Variants in DLGAP1 observed in about 807,000 individuals in gnomAD.
The protein encoded by DLGAP1 is DLG associated protein 1.
Under a neutral mutation model 90.8 loss-of-function variants are expected in DLGAP1, and 11 were observed. That is an observed-to-expected ratio of 0.12 (90% CI 0.08 to 0.20). The LOEUF is 0.20. DLGAP1 is among the 10% of genes least tolerant of loss of function. The pLI, the probability that DLGAP1 is intolerant of heterozygous loss-of-function variation, is 1.00. For missense variants in DLGAP1, 1,050 were observed against 1,333.8 expected, an observed-to-expected ratio of 0.79 and a Z score of 3.31; for synonymous variants, 558 against 540.7, an observed-to-expected ratio of 1.03 and a Z score of -0.44.
intron 10 of DLGAP1, among the ~76,000 whole-genome samples, chr18:3,518,791 A>G (rs1348757383): frequency 6.6e-6 from 1 of 152,204 alleles, no homozygotes; most frequent in Non-Finnish European, 1.5e-5. Context: ...CCTATAACTG[A>G]TCTACATTCT....
At chr18:4,329,623 T>C (rs181409243) in intron 1 of DLGAP1, among the ~76,000 whole-genome samples, 546 of 152,118 alleles carry the variant, frequency 3.6e-3, no homozygotes, top group Non-Finnish European at 6.1e-3. Context: ...TCATCTAATC[T>C]GTGAAAAGGG....
At chr18:3,716,638 A>C (rs1262931766) in intron 7 of DLGAP1, among the ~76,000 whole-genome samples, 1 of 152,210 alleles carries the variant, frequency 6.6e-6, no homozygotes, top group Non-Finnish European at 1.5e-5. Flanking sequence ...TTCCAATATC[A>C]AAGATAATCA....
chr18:4,387,923 T>TCACACA (rs869144582), intron 1 of DLGAP1, among the ~76,000 whole-genome samples: 628 of 33,664 alleles, frequency 0.019, 8 homozygotes, highest in African/African-American at 0.034. Flanking sequence ...AGAGACTCCA[T>TCACACA]CACACATACA....
At chr18:3,972,371 A>G (rs367791496) in intron 3 of DLGAP1, among the ~76,000 whole-genome samples, 2 of 152,162 alleles carry the variant, frequency 1.3e-5, no homozygotes, top group East Asian at 3.9e-4. Context: ...TTAAAAAATT[A>G]TATCTATCTA....
At chr18:3,909,544 A>AT (rs373391824) in intron 3 of DLGAP1, among the ~76,000 whole-genome samples, 3 of 152,112 alleles carry the variant, frequency 2.0e-5, no homozygotes, top group African/African-American at 7.2e-5. Flanking sequence ...CTTGCTTTTG[A>AT]TTTTTTTATT....
At chr18:4,405,907 G>C (rs542481901) in intron 1 of DLGAP1, among the ~76,000 whole-genome samples, 1 of 152,144 alleles carries the variant, frequency 6.6e-6, no homozygotes, top group Non-Finnish European at 1.5e-5. Context: ...AGCAACTAAA[G>C]AACGAAGGAA....
intron 4 of DLGAP1, among the ~76,000 whole-genome samples, chr18:3,843,809 T>C (rs1414632366): frequency 2.0e-5 from 3 of 152,198 alleles, no homozygotes; most frequent in Non-Finnish European, 2.9e-5. Context: ...TGTGATAGAC[T>C]GAAATTCCAT....
intron 8 of DLGAP1, among the ~76,000 whole-genome samples, chr18:3,568,828 AGGTGCCC>A (rs1406410193): frequency 1.3e-5 from 2 of 151,940 alleles, no homozygotes; most frequent in African/African-American, 4.8e-5. Flanking sequence ...CTGGGACTAC[AGGTGCCC>A]GCCACCACGC....
intron 11 of DLGAP1, among the ~76,000 whole-genome samples, chr18:3,503,965 G>A (rs1455562515): frequency 6.6e-6 from 1 of 152,096 alleles, no homozygotes; most frequent in African/African-American, 2.4e-5. Context: ...GCACGATGGT[G>A]CACACCTGTA....
At chr18:3,939,477 A>G (rs911476605) in intron 3 of DLGAP1, among the ~76,000 whole-genome samples, 1 of 150,802 alleles carries the variant, frequency 6.6e-6, no homozygotes, top group South Asian at 2.1e-4. Flanking sequence ...CAAACAAAAA[A>G]CCCCCCAAAA....
At chr18:4,203,782 T>C (rs1377816207) in intron 1 of DLGAP1, among the ~76,000 whole-genome samples, 1 of 152,134 alleles carries the variant, frequency 6.6e-6, no homozygotes, top group African/African-American at 2.4e-5. Context: ...TCAGTGGAAA[T>C]GCAGAAATAT....
chr18:4,173,589 A>C (rs1224443043), intron 1 of DLGAP1, among the ~76,000 whole-genome samples: 5 of 152,126 alleles, frequency 3.3e-5, no homozygotes, highest in Admixed American at 2.6e-4. Flanking sequence ...CCTAGGCTCT[A>C]CTTATTAAAA....
At chr18:4,249,940 T>G (rs2078746533) in intron 1 of DLGAP1, among the ~76,000 whole-genome samples, 1 of 152,218 alleles carries the variant, frequency 6.6e-6, no homozygotes, top group Non-Finnish European at 1.5e-5. Context: ...CTTCTCTCTC[T>G]GTCCTATTCC....
chr18:4,091,615 T>C (rs1045235811), intron 2 of DLGAP1, among the ~76,000 whole-genome samples: 4 of 152,222 alleles, frequency 2.6e-5, no homozygotes, highest in Non-Finnish European at 5.9e-5. Flanking sequence ...ACCTATTAAG[T>C]TCATTGATTC....
Position 4,121,464 on chromosome 18 carries a change from C to A in DLGAP1, c.-159+29716G>T, listed in dbSNP as rs114787889. 1.5e-3 allele frequency among the ~76,000 whole-genome samples: 228 copies of A among 152,146 alleles called. 1 individual carries two copies. Among genetic ancestry groups the A allele is most frequent in the African/African-American group, 5.3e-3 (219 of 41,484 alleles). On this transcript the variant is annotated intron_variant, in intron 2 of 12. Coordinates refer to ENST00000315677, the MANE Select transcript of DLGAP1 (RefSeq NM_004746.4). The stretch of plus-strand genomic sequence containing the variant: ...AAGTCACTTTGGCAAGAACCCCTCA[C>A]CCCCCGTCCTCAACATCTGATCACT...
chr18:3,594,880 C>A (rs2056488057), intron 7 of DLGAP1, among the ~76,000 whole-genome samples: 1 of 152,194 alleles, frequency 6.6e-6, no homozygotes, highest in African/African-American at 2.4e-5. Context: ...AATGCAGACA[C>A]CTTTCTCTCA....
chr18:4,172,507 G>A (rs2077041405), intron 1 of DLGAP1, among the ~76,000 whole-genome samples: 1 of 152,156 alleles, frequency 6.6e-6, no homozygotes, highest in Admixed American at 6.5e-5. Flanking sequence ...TCTCTTCTAA[G>A]GAGAGAAATG....
At chr18:4,444,604 G>C (rs1419239012) in intron 1 of DLGAP1, among the ~76,000 whole-genome samples, 1 of 152,166 alleles carries the variant, frequency 6.6e-6, no homozygotes, top group African/African-American at 2.4e-5. Context: ...GTCATCAAAT[G>C]AATGATAAAG....
chr18:3,912,293 A>G (rs568588769), intron 3 of DLGAP1, among the ~76,000 whole-genome samples: 4 of 152,310 alleles, frequency 2.6e-5, no homozygotes, highest in African/African-American at 9.6e-5. Context: ...TTGTCAGAGC[A>G]CCTACTGTGT....
Sources: allele counts gnomAD v4.1 joint callset (sites outside exome capture counted in the v4.1 genomes callset), GRCh38; gene constraint gnomAD v4.1.1; transcripts MANE v1.5; gene names NCBI Gene and HGNC (gene_info 2026-07-23, HGNC 2026-07-21).